Variants in ATP6V0E1 observed in about 807,000 individuals in gnomAD.
The protein encoded by ATP6V0E1 is V-type proton ATPase subunit e 1.
A neutral mutation model predicts 11.6 loss-of-function variants in ATP6V0E1; 4 were observed. The ratio of observed to expected loss-of-function variants is 0.35; its 90% CI spans 0.17 to 0.79. The LOEUF is 0.79. ATP6V0E1 is among the 30% of genes least tolerant of loss of function. The pLI is 0.54. For missense variants in ATP6V0E1, 105 were observed against 100.0 expected, an observed-to-expected ratio of 1.05 and a Z score of -0.21; for synonymous variants, 36 against 34.8, an observed-to-expected ratio of 1.04 and a Z score of -0.13.
intron 2 of ATP6V0E1, among the ~76,000 whole-genome samples, chr5:173,011,678 A>G (rs1756327989): frequency 6.6e-6 from 1 of 152,184 alleles, no homozygotes; most frequent in Non-Finnish European, 1.5e-5. Context: ...CAGTTCTCTG[A>G]AGACATTATT....
intron 2 of ATP6V0E1, among the ~76,000 whole-genome samples, chr5:173,004,819 G>A (rs1756206366): frequency 6.6e-6 from 1 of 152,190 alleles, no homozygotes; most frequent in Non-Finnish European, 1.5e-5. Context: ...CACTAAAATG[G>A]TACAGGTCAT....
At chr5:172,998,880 C>A (rs897618187) in intron 2 of ATP6V0E1, among the ~76,000 whole-genome samples, 1 of 152,110 alleles carries the variant, frequency 6.6e-6, no homozygotes, top group African/African-American at 2.4e-5. Context: ...TTGGCTTATG[C>A]CTGTATTCCC....
chr5:172,994,657 T>G, intron 1 of ATP6V0E1, 118 bp from the exon 2 acceptor site: 2 of 795,062 alleles, frequency 2.5e-6, no homozygotes, highest in East Asian at 2.7e-5. Context: ...ACAGATCCAA[T>G]TTCTTGGTGT....
chr5:172,994,025 T>C (rs1013629794), intron 1 of ATP6V0E1, among the ~76,000 whole-genome samples: 2 of 151,904 alleles, frequency 1.3e-5, no homozygotes, highest in African/African-American at 4.8e-5. Context: ...GTTTATAGAA[T>C]GAAGGAGAAG....
chr5:172,987,079 C>A, intron 1 of ATP6V0E1: 1 of 192,976 alleles, frequency 5.2e-6, no homozygotes, highest in Non-Finnish European at 1.1e-5. Flanking sequence ...AGCCACCACG[C>A]CCGGCTGGAA....
chr5:173,027,396 G>C (rs374030131), intron 3 of ATP6V0E1, among the ~76,000 whole-genome samples: 3 of 149,468 alleles, frequency 2.0e-5, no homozygotes, highest in African/African-American at 7.4e-5. Context: ...CAGTTACTCC[G>C]GAGGCTGAGG....
intron 1 of ATP6V0E1, among the ~76,000 whole-genome samples, chr5:172,991,479 C>T (rs1755977283): frequency 1.3e-5 from 2 of 151,984 alleles, no homozygotes; most frequent in South Asian, 2.1e-4. Context: ...CAGTGGAGCA[C>T]GGACTGGGGG....
At chr5:173,026,566 T>G (rs1194262370) in intron 3 of ATP6V0E1, among the ~76,000 whole-genome samples, 5 of 152,240 alleles carry the variant, frequency 3.3e-5, no homozygotes, top group Admixed American at 1.3e-4. Flanking sequence ...ACAGAACAGA[T>G]ATCAGCTACA....
At chr5:173,017,840 C>CAAAAAAAAAAAAAAA (rs538210275) in intron 2 of ATP6V0E1, among the ~76,000 whole-genome samples, 4 of 66,534 alleles carry the variant, frequency 6.0e-5, no homozygotes, top group African/African-American at 9.3e-5. Flanking sequence ...GACTCCTTCT[C>CAAAAAAAAAAAAAAA]AAAAAAAAAA....
rs1756714090 is a variant in ATP6V0E1 at position 173,034,774 on chromosome 5, G to GGA, written c.*416_*417dup. 6 of 259,506 alleles carry GGA rather than the reference G, an allele frequency of 2.3e-5. No homozygotes were observed. 16.1% of individuals were successfully genotyped at this position (259,506 alleles called of 1,614,324 possible). ...CAAGACTCCAGTGGGGTGGTCAGTA[G>GGA]GAGAGCACGTTCAGAGGGAAGAGCC... On this transcript the variant is annotated 3_prime_UTR_variant, in exon 4 of 4. Transcript: ENST00000519374.
chr5:172,997,170 G>A (rs184884946), intron 2 of ATP6V0E1, among the ~76,000 whole-genome samples: 16 of 152,200 alleles, frequency 1.1e-4, no homozygotes, highest in Middle Eastern at 6.8e-3. Flanking sequence ...ATACCAGTGA[G>A]AATCAAAATT....
intron 2 of ATP6V0E1, among the ~76,000 whole-genome samples, chr5:172,997,191 C>T (rs1023461231): frequency 1.3e-5 from 2 of 152,068 alleles, no homozygotes; most frequent in African/African-American, 4.8e-5. Flanking sequence ...GTCAAATTTT[C>T]CAATGACAAA....
intron 2 of ATP6V0E1, among the ~76,000 whole-genome samples, chr5:172,999,301 G>T (rs1332034621): frequency 1.3e-5 from 2 of 151,966 alleles, no homozygotes. Context: ...TTTCCAGTCA[G>T]TCTCATGTCT....
chr5:173,031,405 G>A (rs1581638469), intron 3 of ATP6V0E1, among the ~76,000 whole-genome samples: 1 of 148,588 alleles, frequency 6.7e-6, no homozygotes, highest in Non-Finnish European at 1.5e-5. Context: ...TTATCTGATG[G>A]TAACCTTATG....
chr5:173,027,373 G>C (rs966845225), intron 3 of ATP6V0E1, among the ~76,000 whole-genome samples: 1 of 128,556 alleles, frequency 7.8e-6, no homozygotes, highest in Non-Finnish European at 1.6e-5. Flanking sequence ...ATGGTGGCGG[G>C]TGCCTGTAGT....
At chr5:173,030,074 C>T (rs975216087) in intron 3 of ATP6V0E1, among the ~76,000 whole-genome samples, 6 of 152,218 alleles carry the variant, frequency 3.9e-5, no homozygotes, top group African/African-American at 1.4e-4. Flanking sequence ...TCTCTTAATT[C>T]TTTCTGATGC....
chr5:172,996,515 T>C (rs1756069586), intron 2 of ATP6V0E1, among the ~76,000 whole-genome samples: 2 of 151,700 alleles, frequency 1.3e-5, no homozygotes, highest in Admixed American at 1.3e-4. Flanking sequence ...TGAGCCGAGA[T>C]TGCACCACTG....
Position 172,996,802 on chromosome 5 carries a change from A to G in ATP6V0E1, c.152+1980A>G, listed in dbSNP as rs1429639964. ...TACAAGGTGATGAAAGAGGGATTCTACAATTCCCCACATACTCTGAACCTA... is the reference window on the plus strand; with the variant it reads ...TACAAGGTGATGAAAGAGGGATTCTGCAATTCCCCACATACTCTGAACCTA... On this transcript the variant is annotated intron_variant, in intron 2 of 3. Coordinates refer to ENST00000519374, the MANE Select transcript of ATP6V0E1 (RefSeq NM_003945.4). Among the ~76,000 whole-genome samples the G allele has an allele frequency of 2.6e-5, 4 of 152,336 alleles. No individual in the cohort carries two copies. In the East Asian group the frequency reaches 5.8e-4, roughly 22 times the overall value.
intron 1 of ATP6V0E1, among the ~76,000 whole-genome samples, chr5:172,991,393 A>T (rs1398594108): frequency 6.6e-6 from 1 of 152,212 alleles, no homozygotes; most frequent in Non-Finnish European, 1.5e-5. Context: ...TAAGCAGGTA[A>T]TACAAAGGAG....
Sources: allele counts gnomAD v4.1 joint callset (sites outside exome capture counted in the v4.1 genomes callset), GRCh38; gene constraint gnomAD v4.1.1; transcripts MANE v1.5; gene names NCBI Gene and HGNC (gene_info 2026-07-23, HGNC 2026-07-21).